Variants in EYA1 observed in about 807,000 individuals in gnomAD.
EYA1 encodes protein phosphatase EYA1.
In EYA1, 16 loss-of-function variants were observed where a neutral mutation model predicts 82.0. The observed-to-expected ratio is 0.20, with a 90% confidence interval of 0.13 to 0.30. The LOEUF is 0.30. Among genes scored for constraint, EYA1 ranks in the 10% least tolerant of loss-of-function variants. EYA1 has a pLI of 1.00. For synonymous variants in EYA1, 261 were observed against 264.4 expected (o/e 0.99, Z 0.12); for missense variants, 633 against 730.7 (o/e 0.87, Z 1.54).
intron 2 of EYA1, among the ~76,000 whole-genome samples, chr8:71,408,247 G>A (rs894165532): frequency 2.0e-5 from 3 of 151,960 alleles, no homozygotes; most frequent in African/African-American, 4.8e-5. Context: ...AGGAACAACT[G>A]GTACCAGCCG....
chr8:71,254,685 GCCA>G (rs1409331287), intron 11 of EYA1, among the ~76,000 whole-genome samples: 1 of 152,132 alleles, frequency 6.6e-6, no homozygotes, highest in Non-Finnish European at 1.5e-5. Flanking sequence ...GGCTGCTTTT[GCCA>G]CTTCTGTGTA....
At chr8:71,323,134 T>C (rs1406476454) in intron 4 of EYA1, among the ~76,000 whole-genome samples, 2 of 152,160 alleles carry the variant, frequency 1.3e-5, no homozygotes, top group Admixed American at 1.3e-4. Context: ...ACACAGTGAA[T>C]CTACATATAT....
chr8:71,201,148 T>C (rs1806947240), intron 17 of EYA1, among the ~76,000 whole-genome samples: 1 of 150,590 alleles, frequency 6.6e-6, no homozygotes, highest in Non-Finnish European at 1.5e-5. Flanking sequence ...CCAATAGTTA[T>C]GATTTATTGG....
intron 2 of EYA1, among the ~76,000 whole-genome samples, chr8:71,440,430 C>A (rs1288802844): frequency 2.6e-5 from 4 of 152,020 alleles, no homozygotes. Flanking sequence ...ATCAAGAGGA[C>A]GTTAGGAGGA....
chr8:71,412,421 T>C (rs978807522), intron 2 of EYA1, among the ~76,000 whole-genome samples: 1 of 139,088 alleles, frequency 7.2e-6, no homozygotes, highest in African/African-American at 2.5e-5. Flanking sequence ...TAAAATAAAA[T>C]AAAATAAAAA....
At chr8:71,466,693 G>T (rs957606198) in intron 2 of EYA1, among the ~76,000 whole-genome samples, 1 of 152,028 alleles carries the variant, frequency 6.6e-6, no homozygotes, top group Non-Finnish European at 1.5e-5. Flanking sequence ...CTTAAAAGTG[G>T]TTTTCTAAAT....
At chr8:71,269,895 C>T (rs981355664) in intron 10 of EYA1, 72 bp from the exon 11 acceptor site, 6 of 1,120,378 alleles carry the variant, frequency 5.4e-6, no homozygotes, top group African/African-American at 1.5e-5. Context: ...AACTTCAACA[C>T]GAAAAAGTCA....
At chr8:71,383,026 C>G (rs564895881) in intron 2 of EYA1, among the ~76,000 whole-genome samples, 1 of 151,774 alleles carries the variant, frequency 6.6e-6, no homozygotes, top group African/African-American at 2.4e-5. Context: ...GGTTAAGCAA[C>G]TTTTCTTCTG....
At chr8:71,506,510 C>T (rs62508473) in intron 2 of EYA1, among the ~76,000 whole-genome samples, 66,967 of 152,006 alleles carry the variant, frequency 0.44, 17,566 homozygotes, top group East Asian at 0.79. Flanking sequence ...CTTCTTAAAC[C>T]CATGTGTGCC....
chr8:71,292,715 A>C (rs1819139415), intron 9 of EYA1, among the ~76,000 whole-genome samples: 1 of 152,182 alleles, frequency 6.6e-6, no homozygotes, highest in Non-Finnish European at 1.5e-5. Flanking sequence ...GGTAATAAAA[A>C]CAAAAATAAG....
chr8:71,378,327 A>G (rs968968541), intron 2 of EYA1, among the ~76,000 whole-genome samples: 29 of 152,156 alleles, frequency 1.9e-4, no homozygotes, highest in Non-Finnish European at 7.4e-5. Context: ...AGTTGTAGGC[A>G]CTGATTGCTA....
At chr8:71,452,815 G>A (rs1236349237) in intron 2 of EYA1, among the ~76,000 whole-genome samples, 2 of 152,038 alleles carry the variant, frequency 1.3e-5, no homozygotes, top group Admixed American at 6.6e-5. Context: ...CACAAAGATC[G>A]GGAAAAAAAC....
chr8:71,341,892 T>C (rs1673306069), intron 3 of EYA1, among the ~76,000 whole-genome samples: 1 of 152,216 alleles, frequency 6.6e-6, no homozygotes, highest in African/African-American at 2.4e-5. Context: ...TCATGGAAAG[T>C]ACAGCATATA....
intron 2 of EYA1, among the ~76,000 whole-genome samples, chr8:71,499,916 C>T (rs62508470): frequency 0.23 from 35,173 of 152,056 alleles, 4,172 homozygotes; most frequent in South Asian, 0.34. Context: ...TATTTTATAA[C>T]GCAGTCAGGG....
chr8:71,318,473 G>T (rs1366171640), intron 6 of EYA1, among the ~76,000 whole-genome samples: 1 of 152,110 alleles, frequency 6.6e-6, no homozygotes, highest in Non-Finnish European at 1.5e-5. Context: ...TGATGTATCT[G>T]TGGCCCCCAA....
chr8:71,274,477 C>G (rs1586126859), intron 9 of EYA1, among the ~76,000 whole-genome samples: 1 of 152,084 alleles, frequency 6.6e-6, no homozygotes, highest in East Asian at 1.9e-4. Flanking sequence ...TCAAGTTTAC[C>G]CCCACTGAGA....
chr8:71,229,674 TACTC>T (rs1810966797), intron 12 of EYA1, among the ~76,000 whole-genome samples: 2 of 152,298 alleles, frequency 1.3e-5, no homozygotes, highest in Non-Finnish European at 2.9e-5. Context: ...AAATGACACA[TACTC>T]ATGTAGAAAA....
chr8:71,393,432 C>T (rs1829394722), intron 2 of EYA1, among the ~76,000 whole-genome samples: 1 of 152,122 alleles, frequency 6.6e-6, no homozygotes, highest in East Asian at 1.9e-4. Flanking sequence ...TCTCCTAATG[C>T]TATCCCTCCC....
chr8:71,317,757 C>T (rs533315930), intron 6 of EYA1, 68 bp from the exon 7 acceptor site: 4 of 1,455,126 alleles, frequency 2.7e-6, no homozygotes, highest in African/African-American at 1.4e-5. Flanking sequence ...CAAAAACATA[C>T]ACTTCCACAA....
Sources: allele counts gnomAD v4.1 joint callset (sites outside exome capture counted in the v4.1 genomes callset), GRCh38; gene constraint gnomAD v4.1.1; transcripts MANE v1.5; gene names NCBI Gene and HGNC (gene_info 2026-07-23, HGNC 2026-07-21).